Variants in IQGAP2 observed in about 807,000 individuals in gnomAD.
IQGAP2 encodes the protein ras GTPase-activating-like protein IQGAP2.
In IQGAP2, 173 loss-of-function variants were observed where a neutral mutation model predicts 201.3. The ratio of observed to expected loss-of-function variants is 0.86; its 90% CI spans 0.76 to 0.98. The LOEUF (loss-of-function observed/expected upper bound fraction) is 0.98, where lower values mean the gene tolerates loss of function less well. Among genes scored for constraint, IQGAP2 ranks in the 50% least tolerant of loss-of-function variants. The probability of loss-of-function intolerance (pLI) is 0.00; values close to 1 mark genes in which losing one functional copy is unlikely to be tolerated. For synonymous variants in IQGAP2, 675 were observed against 673.9 expected (o/e 1.00, Z -0.03); for missense variants, 1,687 against 1,864.8 (o/e 0.90, Z 1.76).
chr5:76,561,440 G>C (rs1159292241), intron 2 of IQGAP2, among the ~76,000 whole-genome samples: 1 of 152,152 alleles, frequency 6.6e-6, no homozygotes. Context: ...AGGATCAGTG[G>C]CTACTGTGTT....
In IQGAP2 at chr5:76,611,034, G is replaced by C; in HGVS notation, c.1372G>C (p.Gly458Arg). The C allele has an allele frequency of 1.9e-6, 3 of 1,612,758 alleles. No homozygotes were observed. Among genetic ancestry groups the C allele is most frequent in the Non-Finnish European group, 2.5e-6 (3 of 1,179,422 alleles). The change falls in exon 13 of 36, where the codon GGG becomes CGG. Residue 458 changes from glycine to arginine, a missense_variant. By Grantham distance (125) the Gly-to-Arg change is moderately radical. Coordinates refer to ENST00000274364, the MANE Select transcript of IQGAP2 (RefSeq NM_006633.5). Reference protein sequence around the residue: ...QEENDRVVAVGYINEAIDEGN... With the variant: ...QEENDRVVAVRYINEAIDEGN... ...TCATTTTCTAGGAGTTGTAGCTGTA[G>C]GGTACATCAATGAAGCTATTGATGA...
chr5:76,492,350 G>T (rs1209014075), intron 2 of IQGAP2, among the ~76,000 whole-genome samples: 1 of 152,212 alleles, frequency 6.6e-6, no homozygotes, highest in Non-Finnish European at 1.5e-5. Flanking sequence ...GGCAGAGTGG[G>T]AGCAAGCATC....
chr5:76,454,088 A>G (rs1188326031), intron 1 of IQGAP2, among the ~76,000 whole-genome samples: 1 of 152,034 alleles, frequency 6.6e-6, no homozygotes, highest in East Asian at 1.9e-4. Context: ...TTGGTTTCCA[A>G]ACTGTGTCTT....
At chr5:76,425,922 A>C (rs1405943969) in intron 1 of IQGAP2, among the ~76,000 whole-genome samples, 1 of 152,242 alleles carries the variant, frequency 6.6e-6, no homozygotes, top group Non-Finnish European at 1.5e-5. Context: ...GGATAGACTC[A>C]GTCTGAAGTG....
At chr5:76,588,746 A>C (rs1746419288) in intron 5 of IQGAP2, among the ~76,000 whole-genome samples, 160 bp from the exon 6 acceptor site, 1 of 152,120 alleles carries the variant, frequency 6.6e-6, no homozygotes, top group Non-Finnish European at 1.5e-5. Flanking sequence ...CTCACCAAGT[A>C]CTCTGTTACC....
At chr5:76,655,562 C>T (rs1436621571) in intron 20 of IQGAP2, among the ~76,000 whole-genome samples, 2 of 152,256 alleles carry the variant, frequency 1.3e-5, no homozygotes, top group East Asian at 1.9e-4. Flanking sequence ...ATTCTCCTGC[C>T]TCAGCCTTCC....
At chr5:76,645,547 T>C (rs1459935865) in intron 17 of IQGAP2, among the ~76,000 whole-genome samples, 2 of 152,206 alleles carry the variant, frequency 1.3e-5, no homozygotes, top group East Asian at 1.9e-4. Flanking sequence ...CCATTCCAAC[T>C]GGCGTGAGAT....
chr5:76,662,528 A>G lies in IQGAP2; in HGVS notation c.2530-2498A>G, dbSNP rs1022252949. Among the ~76,000 whole-genome samples the G allele has an allele frequency of 5.3e-5, 8 of 152,368 alleles. No homozygotes were observed. The South Asian group carries it at 1.2e-3, about 24-fold the overall frequency. ...ACTTGGGAGGGAAAAGGGGGGAATT[A>G]TAGGTAACAAGACTTTCCTGTCGTA... is the stretch of plus-strand genomic sequence containing the variant. On this transcript the variant is annotated intron_variant, in intron 21 of 35. Transcript: ENST00000274364.
At chr5:76,696,060 C>T (rs929941922) in intron 32 of IQGAP2, among the ~76,000 whole-genome samples, 1 of 151,810 alleles carries the variant, frequency 6.6e-6, no homozygotes, top group Non-Finnish European at 1.5e-5. Flanking sequence ...AGGCTGGTCT[C>T]GAAATCCTGA....
In IQGAP2 at chr5:76,570,564, C is replaced by T. The variant is rs1284087572; in HGVS notation, c.304-16C>T. 1 of 1,592,500 alleles carries T rather than the reference C, an allele frequency of 6.3e-7. No homozygotes were observed. The highest frequency in any genetic ancestry group is 1.1e-5 in the South Asian group (1 of 90,364). On this transcript the variant is annotated splice_polypyrimidine_tract_variant and intron_variant, in intron 3 of 35. Coordinates refer to ENST00000274364, the MANE Select transcript of IQGAP2 (RefSeq NM_006633.5). ...TGGTTCCTTCTCTCCCTTTTTCCCT[C>T]CTATCGTCACTTTAGAAGTCTGGCC... is the stretch of plus-strand genomic sequence containing the variant.
intron 2 of IQGAP2, among the ~76,000 whole-genome samples, chr5:76,558,048 G>A (rs916116155): frequency 1.3e-5 from 2 of 152,036 alleles, no homozygotes; most frequent in Non-Finnish European, 2.9e-5. Context: ...CAAGTGATCC[G>A]CCTGCCTGCG....
chr5:76,560,060 A>G (rs1744253933), intron 2 of IQGAP2, among the ~76,000 whole-genome samples: 1 of 152,218 alleles, frequency 6.6e-6, no homozygotes, highest in South Asian at 2.1e-4. Context: ...AATTGTATGT[A>G]TAGCTCACAT....
At chr5:76,588,736 C>A (rs1746418486) in intron 5 of IQGAP2, among the ~76,000 whole-genome samples, 170 bp from the exon 6 acceptor site, 1 of 152,116 alleles carries the variant, frequency 6.6e-6, no homozygotes. Context: ...TGATCCTGGC[C>A]TCACCAAGTA....
At chr5:76,606,346 A>C in intron 12 of IQGAP2, 43 bp downstream of exon 12, 2 of 1,514,930 alleles carry the variant, frequency 1.3e-6, no homozygotes, top group Non-Finnish European at 1.8e-6. Context: ...GTGGGAGAAG[A>C]AGGTATCTGG....
intron 1 of IQGAP2, among the ~76,000 whole-genome samples, chr5:76,420,654 C>T (rs143233352): frequency 1.8e-4 from 28 of 152,290 alleles, no homozygotes; most frequent in Middle Eastern, 3.4e-3. Flanking sequence ...GGATTACAGG[C>T]GTGAGCCACC....
At chr5:76,453,355 G>A (rs1753885397) in intron 1 of IQGAP2, among the ~76,000 whole-genome samples, 1 of 152,112 alleles carries the variant, frequency 6.6e-6, no homozygotes, top group South Asian at 2.1e-4. Flanking sequence ...ACATTGATTA[G>A]AGGAATAAGT....
chr5:76,480,914 T>G (rs1755747065), intron 2 of IQGAP2, among the ~76,000 whole-genome samples: 2 of 152,168 alleles, frequency 1.3e-5, no homozygotes, highest in African/African-American at 4.8e-5. Context: ...ATCAAAGTAC[T>G]GGTGGGTTTG....
chr5:76,585,591 A>G (rs1245412983), intron 5 of IQGAP2, among the ~76,000 whole-genome samples: 1 of 151,078 alleles, frequency 6.6e-6, no homozygotes, highest in Non-Finnish European at 1.5e-5. Context: ...TCAGCTCACC[A>G]CAAACCTCCA....
chr5:76,442,998 A>G (rs938943471), intron 1 of IQGAP2, among the ~76,000 whole-genome samples: 1 of 152,174 alleles, frequency 6.6e-6, no homozygotes, highest in African/African-American at 2.4e-5. Flanking sequence ...AAAGATAAGA[A>G]TAAATAAAAT....
Sources: gnomAD v4.1 joint callset for allele counts (sites outside exome capture counted in the v4.1 genomes callset) on GRCh38, gnomAD v4.1.1 for gene constraint, MANE v1.5 for transcripts, NCBI Gene and HGNC (gene_info 2026-07-23, HGNC 2026-07-21) for gene names.